ERBB4: variants seen among roughly 807,000 people sequenced by gnomAD.
ERBB4 encodes erb-b2 receptor tyrosine kinase 4, also known as receptor tyrosine-protein kinase erbB-4.
In ERBB4, 42 loss-of-function variants were observed where a neutral mutation model predicts 158.0. That is an observed-to-expected ratio of 0.27 (90% CI 0.21 to 0.34). ERBB4 has a LOEUF of 0.34. ERBB4 is among the 10% of genes least tolerant of loss of function. The pLI, the probability that ERBB4 is intolerant of heterozygous loss-of-function variation, is 1.00. For missense variants in ERBB4, 1,333 were observed against 1,624.1 expected (o/e 0.82, Z 3.08); for synonymous variants, 583 against 558.7 (o/e 1.04, Z -0.61).
chr2:211,424,133 T>C lies in ERBB4; in HGVS notation c.2866+22A>G, dbSNP rs1270107604. The C allele has an allele frequency of 1.9e-6, 3 of 1,606,330 alleles. No homozygotes were observed. The African/African-American group carries it at 4.0e-5, about 21-fold the overall frequency. On this transcript the variant is annotated intron_variant, in intron 23 of 27. Coordinates refer to ENST00000342788, the MANE Select transcript of ERBB4 (RefSeq NM_005235.3). The stretch of plus-strand genomic sequence containing the variant: ...ACTTTACTAAGAATGATGATGGTGA[T>C]AACATTATTTTGCAGTCTTACATTT...
chr2:211,710,234 T>C (rs1452540495), intron 9 of ERBB4, among the ~76,000 whole-genome samples: 1 of 152,170 alleles, frequency 6.6e-6, no homozygotes, highest in Non-Finnish European at 1.5e-5. Flanking sequence ...TTTCAAATCA[T>C]TCCCCACAGT....
At chr2:212,064,096 A>G (rs2077867151) in intron 2 of ERBB4, among the ~76,000 whole-genome samples, 1 of 152,180 alleles carries the variant, frequency 6.6e-6, no homozygotes, top group Non-Finnish European at 1.5e-5. Context: ...TTTCCTGGGA[A>G]AGAAGCATTG....
chr2:212,003,240 G>T (rs1483355589), intron 2 of ERBB4, among the ~76,000 whole-genome samples: 2 of 119,564 alleles, frequency 1.7e-5, no homozygotes, highest in African/African-American at 5.9e-5. Context: ...AAGGAAGGAA[G>T]GAAGGAAGGA....
chr2:211,970,623 A>G (rs2081425597), intron 2 of ERBB4, among the ~76,000 whole-genome samples: 1 of 152,148 alleles, frequency 6.6e-6, no homozygotes, highest in Non-Finnish European at 1.5e-5. Context: ...TTTTACCACT[A>G]TGTAATGACC....
At chr2:212,495,816 G>C (rs560111966) in intron 1 of ERBB4, among the ~76,000 whole-genome samples, 1 of 152,088 alleles carries the variant, frequency 6.6e-6, no homozygotes, top group African/African-American at 2.4e-5. Context: ...CCTATTAAGC[G>C]TATAGACTAC....
intron 3 of ERBB4, among the ~76,000 whole-genome samples, chr2:211,841,525 G>A (rs1345044563): frequency 6.6e-6 from 1 of 151,814 alleles, no homozygotes; most frequent in Non-Finnish European, 1.5e-5. Context: ...AATAAAATGT[G>A]GCATTAAGGT....
rs527445692 is a variant in ERBB4 at position 212,302,983 on chromosome 2, G to A, written c.83-178080C>T. On this transcript the variant is annotated intron_variant, in intron 1 of 27. Transcript: ENST00000342788. ...GGGAGGAGAAAGAAGAATAAAGGAA[G>A]CAGAAGAGAAAGAAGAGAGGATGAG... 2.1e-4 allele frequency among the ~76,000 whole-genome samples: 32 copies of A among 151,406 alleles called. No homozygotes were observed. In the South Asian group the frequency reaches 6.0e-3, roughly 28 times the overall value.
intron 2 of ERBB4, among the ~76,000 whole-genome samples, chr2:212,040,850 T>C (rs1156835253): frequency 6.6e-6 from 1 of 152,156 alleles, no homozygotes; most frequent in Non-Finnish European, 1.5e-5. Context: ...TCTTCAACTT[T>C]TGCGTATTTA....
At chr2:212,175,366 C>G (rs1260411176) in intron 1 of ERBB4, among the ~76,000 whole-genome samples, 1 of 151,944 alleles carries the variant, frequency 6.6e-6, no homozygotes, top group Non-Finnish European at 1.5e-5. Flanking sequence ...CTCTTTATGT[C>G]ACTGTTTCTC....
intron 3 of ERBB4, among the ~76,000 whole-genome samples, chr2:211,883,446 T>TA (rs1032660440): frequency 2.6e-5 from 4 of 151,724 alleles, no homozygotes; most frequent in African/African-American, 9.7e-5. Context: ...TAAAGTATAA[T>TA]AAAAAATAAT....
At chr2:211,477,494 G>A (rs1443524263) in intron 20 of ERBB4, among the ~76,000 whole-genome samples, 2 of 152,068 alleles carry the variant, frequency 1.3e-5, no homozygotes, top group Non-Finnish European at 2.9e-5. Flanking sequence ...ATGTTCATTT[G>A]TTCTATAAAA....
rs572413806 is a variant in ERBB4, at chr2:212,292,473, C to A, written c.83-167570G>T. On this transcript the variant is annotated intron_variant, in intron 1 of 27. Transcript: ENST00000342788. ...TAATATTGCAGTTAATTTCTAGTAC[C>A]TTTAGTGATATAATTATAGATAAAA... Among the ~76,000 whole-genome samples the A allele has an allele frequency of 6.6e-5, 10 of 151,946 alleles. No individual in the cohort carries two copies. The South Asian group carries it at 2.1e-3, about 32-fold the overall frequency.
intron 20 of ERBB4, among the ~76,000 whole-genome samples, chr2:211,454,708 T>C (rs2064335220): frequency 6.6e-6 from 1 of 152,218 alleles, no homozygotes; most frequent in Non-Finnish European, 1.5e-5. Flanking sequence ...CTATTCCCTG[T>C]TTTAATTGGG....
chr2:212,317,572 A>T (rs1253966071), intron 1 of ERBB4, among the ~76,000 whole-genome samples: 2 of 151,620 alleles, frequency 1.3e-5, no homozygotes, highest in Non-Finnish European at 3.0e-5. Context: ...TTTTTGTATT[A>T]TACTATATAG....
At chr2:211,694,582 C>A (rs2072943517) in intron 12 of ERBB4, among the ~76,000 whole-genome samples, 4 of 146,904 alleles carry the variant, frequency 2.7e-5, no homozygotes, top group Non-Finnish European at 1.5e-5. Flanking sequence ...TTACAAAGAA[C>A]AGTGTATTGA....
At chr2:212,188,261 TCCCTCTTCTCTCC>T (rs2082088542) in intron 1 of ERBB4, among the ~76,000 whole-genome samples, 1 of 12,094 alleles carries the variant, frequency 8.3e-5, no homozygotes, top group African/African-American at 1.3e-4. Context: ...CCTCCCTCCC[TCCCTCTTCTCTCC>T]CTCCCTCTTC....
chr2:212,353,438 T>C lies in ERBB4; in HGVS notation c.82+185011A>G, dbSNP rs535046808. On this transcript the variant is annotated intron_variant, in intron 1 of 27. Transcript: ENST00000342788. ...ATAAAATATTATATAAATAAAAGTATACAATATAAACAAATATTTTATAAT... is the reference window on the plus strand; with the variant it reads ...ATAAAATATTATATAAATAAAAGTACACAATATAAACAAATATTTTATAAT... Among the ~76,000 whole-genome samples the C allele has an allele frequency of 9.4e-5, 14 of 149,100 alleles. 2 individuals carry two copies. The South Asian group carries it at 2.9e-3, about 31-fold the overall frequency.
chr2:212,200,794 T>C (rs1241711504), intron 1 of ERBB4, among the ~76,000 whole-genome samples: 2 of 152,180 alleles, frequency 1.3e-5, no homozygotes, highest in Admixed American at 6.5e-5. Context: ...AAAGGAAATA[T>C]TTTCACTTAA....
At chr2:212,223,904 C>T (rs983058780) in intron 1 of ERBB4, among the ~76,000 whole-genome samples, 3 of 151,748 alleles carry the variant, frequency 2.0e-5, no homozygotes, top group African/African-American at 7.3e-5. Flanking sequence ...ATAAATACTT[C>T]GCATAGATTA....
Sources: gnomAD v4.1 joint callset for allele counts (sites outside exome capture counted in the v4.1 genomes callset) on GRCh38, gnomAD v4.1.1 for gene constraint, MANE v1.5 for transcripts, NCBI Gene and HGNC (gene_info 2026-07-23, HGNC 2026-07-21) for gene names.